The following ZFHX3 variants were observed in gnomAD, a reference collection of about 807,000 sequenced individuals.
ZFHX3 encodes zinc finger homeobox 3.
ZFHX3 carries 42 observed loss-of-function variants against 279.1 expected under a neutral mutation model. That is an observed-to-expected ratio of 0.15 (90% confidence interval 0.12 to 0.19). ZFHX3 has a LOEUF of 0.19. Ranked by LOEUF, ZFHX3 falls within the 10% of genes least tolerant of loss-of-function variation. The pLI, the probability that ZFHX3 is intolerant of heterozygous loss-of-function variation, is 1.00. For missense variants in ZFHX3, 4,981 were observed against 4,754.0 expected (o/e 1.05, Z -1.40); for synonymous variants, 2,293 against 1,957.8 (o/e 1.17, Z -4.52).
At chr16:73,291,550 G>T (rs765603962) in intron 4 of ZFHX3, among the ~76,000 whole-genome samples, 6 of 152,202 alleles carry the variant, frequency 3.9e-5, no homozygotes, top group Non-Finnish European at 8.8e-5. Flanking sequence ...AGTTGCTCAG[G>T]AGAGCATCTG....
chr16:73,289,482 A>G (rs1201333698), intron 4 of ZFHX3, among the ~76,000 whole-genome samples: 1 of 152,118 alleles, frequency 6.6e-6, no homozygotes, highest in Non-Finnish European at 1.5e-5. Context: ...CGCCATGTGA[A>G]GAGCCCCAGA....
intron 3 of ZFHX3, among the ~76,000 whole-genome samples, chr16:72,921,009 C>G (rs528941497): frequency 7.6e-6 from 1 of 131,288 alleles, no homozygotes; most frequent in South Asian, 2.5e-4. Context: ...GAGTTCAAGG[C>G]TACAGTGAAC....
chr16:73,781,390 T>C (rs925237331), intron 1 of ZFHX3, among the ~76,000 whole-genome samples: 2 of 152,192 alleles, frequency 1.3e-5, no homozygotes, highest in African/African-American at 4.8e-5. Flanking sequence ...CTGCTACTCC[T>C]GCATCACACT....
intron 1 of ZFHX3, among the ~76,000 whole-genome samples, chr16:73,039,990 T>C (rs1035289232): frequency 4.6e-5 from 7 of 152,248 alleles, no homozygotes; most frequent in Admixed American, 4.6e-4. Flanking sequence ...ATAATCGCTT[T>C]GTCGCCAGAC....
chr16:73,019,941 C>G (rs1964243120), intron 1 of ZFHX3, among the ~76,000 whole-genome samples: 1 of 152,222 alleles, frequency 6.6e-6, no homozygotes, highest in South Asian at 2.1e-4. Context: ...CCAACTCTGT[C>G]TGGGTCCCGT....
intron 1 of ZFHX3, among the ~76,000 whole-genome samples, chr16:73,709,346 CAGAGAGAGAGAGAG>C (rs59857152): frequency 2.1e-5 from 3 of 145,278 alleles, no homozygotes; most frequent in South Asian, 4.5e-4. Flanking sequence ...GGCTGTGTGA[CAGAGAGAGAGAGAG>C]AGAGAGAGAG....
chr16:72,833,508 C>G (rs572548015), intron 4 of ZFHX3, among the ~76,000 whole-genome samples: 79 of 152,308 alleles, frequency 5.2e-4, no homozygotes, highest in African/African-American at 1.9e-3. Flanking sequence ...TCCTGTCTTT[C>G]CTACAGAAAA....
rs1175449334 is a variant in ZFHX3 at position 72,816,352 on chromosome 16, G to C, written c.3530-4314C>G. 2.0e-5 allele frequency among the ~76,000 whole-genome samples: 3 copies of C among 152,118 alleles called. No homozygotes were observed. In the East Asian group the frequency reaches 5.8e-4, roughly 29 times the overall value. ...GTGAATCTTCCATAGGCAACATGTT[G>C]GGCTCCTGGGATTTCAAAGGGGATA... On this transcript the variant is annotated intron_variant, in intron 5 of 9. Transcript: ENST00000268489.
rs1175488877 is a variant in ZFHX3 at position 73,485,724 on chromosome 16, G to A, written c.-1546-29466C>T. 2.6e-5 allele frequency among the ~76,000 whole-genome samples: 4 copies of A among 152,244 alleles called. No individual in the cohort carries two copies. In the East Asian group the frequency reaches 7.7e-4, roughly 29 times the overall value. ...CCCTCTGCCCGCTGGATGTCCCTGT[G>A]TACTGCCCTACCATGTGACACAGGT... On this transcript the variant is annotated intron_variant, in intron 2 of 17. Coordinates refer to the ZFHX3 transcript ENST00000641206.
chr16:73,446,369 T>C (rs779076078), intron 3 of ZFHX3, among the ~76,000 whole-genome samples: 16 of 152,122 alleles, frequency 1.1e-4, no homozygotes, highest in South Asian at 2.1e-4. Flanking sequence ...GAAAGAAACG[T>C]CCTTCTTCAC....
chr16:73,270,881 G>T (rs1331818788), intron 4 of ZFHX3, among the ~76,000 whole-genome samples: 1 of 152,124 alleles, frequency 6.6e-6, no homozygotes, highest in Non-Finnish European at 1.5e-5. Flanking sequence ...AAGAAGCCAG[G>T]TTGCAATTAG....
intron 1 of ZFHX3, among the ~76,000 whole-genome samples, chr16:72,974,353 G>T (rs1597040747): frequency 6.6e-6 from 1 of 152,200 alleles, no homozygotes; most frequent in African/African-American, 2.4e-5. Flanking sequence ...GGGAAAACCT[G>T]TAAGGGTGAG....
At chr16:73,010,024 G>GAAAAA (rs10709712) in intron 1 of ZFHX3, among the ~76,000 whole-genome samples, 9 of 84,648 alleles carry the variant, frequency 1.1e-4, no homozygotes, top group Non-Finnish European at 1.5e-4. Context: ...CCCTCTCAAA[G>GAAAAA]AAAAAAAAAA....
intron 2 of ZFHX3, among the ~76,000 whole-genome samples, chr16:73,484,611 G>T (rs528811489): frequency 2.0e-5 from 3 of 152,146 alleles, no homozygotes; most frequent in African/African-American, 4.8e-5. Flanking sequence ...GTATCACCAC[G>T]GTAGCAGGGA....
chr16:73,284,915 A>G (rs74367294), intron 4 of ZFHX3, among the ~76,000 whole-genome samples: 5,845 of 152,168 alleles, frequency 0.038, 378 homozygotes, highest in African/African-American at 0.13. Flanking sequence ...TGATCAGCTC[A>G]CTGTAACCTT....
chr16:73,381,498 C>CTT (rs1281953192), intron 3 of ZFHX3, among the ~76,000 whole-genome samples: 2 of 152,066 alleles, frequency 1.3e-5, no homozygotes, highest in Non-Finnish European at 2.9e-5. Context: ...TGGGAAAGAT[C>CTT]TTAGGATACA....
intron 3 of ZFHX3, among the ~76,000 whole-genome samples, chr16:73,447,434 G>A (rs2018206938): frequency 6.6e-6 from 1 of 152,116 alleles, no homozygotes; most frequent in Non-Finnish European, 1.5e-5. Context: ...AAAATACTTA[G>A]AATGTTCCCT....
At chr16:73,870,234 C>T (rs1239324268) in intron 1 of ZFHX3, among the ~76,000 whole-genome samples, 1 of 152,124 alleles carries the variant, frequency 6.6e-6, no homozygotes, top group Non-Finnish European at 1.5e-5. Flanking sequence ...TCAGGGACCT[C>T]GAGAGAATCT....
At chr16:73,879,050 C>G (rs1435772556) in intron 1 of ZFHX3, among the ~76,000 whole-genome samples, 12 of 150,916 alleles carry the variant, frequency 8.0e-5, no homozygotes, top group African/African-American at 4.9e-5. Context: ...TAATTTCCAG[C>G]GAAAGCCTCT....
Sources: gnomAD v4.1 joint callset for allele counts (sites outside exome capture counted in the v4.1 genomes callset) on GRCh38, gnomAD v4.1.1 for gene constraint, MANE v1.5 for transcripts, NCBI Gene and HGNC (gene_info 2026-07-23, HGNC 2026-07-21) for gene names.